TK1: variants seen among roughly 807,000 people sequenced by gnomAD.
TK1 encodes thymidine kinase, cytosolic.
Under a neutral mutation model 22.4 loss-of-function variants are expected in TK1, and 13 were observed. That is an observed-to-expected ratio of 0.58 (90% CI 0.38 to 0.92). The LOEUF (loss-of-function observed/expected upper bound fraction) is 0.92. Among genes scored for constraint, TK1 ranks in the 40% least tolerant of loss-of-function variants. TK1 has a pLI of 0.00. For synonymous variants in TK1, 134 were observed against 125.4 expected, an observed-to-expected ratio of 1.07 and a Z score of -0.46; for missense variants, 251 against 315.7, an observed-to-expected ratio of 0.80 and a Z score of 1.55.
rs773956166 is a variant in TK1, at chr17:78,179,563, G to A, written c.303+3026C>T. ...GGAAGGGACCCGTCAGCCTCCCCAC[G>A]GGAATGGAATTTGCAGCTGTGACTC... On this transcript the variant is annotated intron_variant, in intron 4 of 6. Coordinates refer to ENST00000301634, the MANE Select transcript of TK1 (RefSeq NM_003258.5). 1.4e-4 allele frequency: 141 copies of A among 985,414 alleles called. 1 individual carries two copies. Among genetic ancestry groups the A allele is most frequent in the Admixed American group, 6.1e-4 (10 of 16,278 alleles). The allele number at this position is 985,414 out of a possible 1,614,324, so 61.0% of individuals were successfully genotyped here. A position where few individuals can be genotyped will look rare whatever the true frequency, so the allele number is the denominator to read the frequency against.
In TK1 at chr17:78,175,185, A is replaced by G. The variant is rs2145821077; in HGVS notation, c.394-16T>C. 1 of 1,591,164 alleles carries G rather than the reference A, an allele frequency of 6.3e-7. No individual in the cohort carries two copies. The highest frequency in any genetic ancestry group is 2.3e-5 in the East Asian group (1 of 43,542). ...CCCCAAATGGCTGCGCTCCCATGGA[A>G]AGACAGAGGGCGCTCAGCCACCTTA... On this transcript the variant is annotated splice_polypyrimidine_tract_variant and intron_variant, in intron 5 of 6. Transcript: ENST00000301634.
intron 4 of TK1, 67 bp from the exon 5 acceptor site, chr17:78,175,685 G>A (rs552807380): frequency 7.0e-7 from 1 of 1,423,694 alleles, no homozygotes; most frequent in African/African-American, 1.4e-5. Flanking sequence ...TGGAGCCCCA[G>A]CGAAGACGCT....
At chr17:78,184,380 C>T (rs1009595596) in intron 3 of TK1, among the ~76,000 whole-genome samples, 18 of 152,338 alleles carry the variant, frequency 1.2e-4, no homozygotes, top group Admixed American at 1.2e-3. Context: ...CACTGGGTGC[C>T]CAGGTGGACA....
chr17:78,185,918 AC>A (rs1298085761), intron 2 of TK1, among the ~76,000 whole-genome samples: 1 of 152,190 alleles, frequency 6.6e-6, no homozygotes, highest in East Asian at 1.9e-4. Context: ...ACTCTGAGCC[AC>A]ATCTTCCTGA....
At chr17:78,184,874 C>G (rs1339865550) in intron 3 of TK1, among the ~76,000 whole-genome samples, 181 bp downstream of exon 3, 2 of 152,056 alleles carry the variant, frequency 1.3e-5, no homozygotes, top group Non-Finnish European at 2.9e-5. Context: ...AGTGGAGAAC[C>G]ACTGGCTCCA....
chr17:78,185,017 T>G (rs751045690), intron 3 of TK1, 38 bp downstream of exon 3: 1 of 1,527,530 alleles, frequency 6.5e-7, no homozygotes, highest in Non-Finnish European at 9.1e-7. Flanking sequence ...TGCCTTGTGA[T>G]TTTCCACTGG....
intron 4 of TK1, among the ~76,000 whole-genome samples, chr17:78,182,371 C>CAAAAAA (rs560357822): frequency 2.4e-5 from 2 of 82,242 alleles, no homozygotes; most frequent in Non-Finnish European, 4.7e-5. Flanking sequence ...AACTCCGTCT[C>CAAAAAA]AAAAAAAAAA....
chr17:78,182,549 A>C (rs779826835), intron 4 of TK1, 40 bp downstream of exon 4: 1 of 1,483,234 alleles, frequency 6.7e-7, no homozygotes, highest in African/African-American at 1.4e-5. Flanking sequence ...GACAGAGCGG[A>C]AGCTGGCAGG....
chr17:78,174,973 G>A, intron 6 of TK1, 23 bp from the exon 7 acceptor site: 1 of 1,611,362 alleles, frequency 6.2e-7, no homozygotes, highest in Non-Finnish European at 8.5e-7. Flanking sequence ...ACAGGGGATG[G>A]GTGAAGGGCC....
chr17:78,174,513 C>T lies in TK1; in HGVS notation c.*246G>A, dbSNP rs2075682769. 7.6e-6 allele frequency: 4 copies of T among 527,038 alleles called. No individual in the cohort carries two copies. Among genetic ancestry groups the T allele is most frequent in the Admixed American group, 3.6e-5 (1 of 27,986 alleles). The allele number at this position is 527,038 out of a possible 1,614,324, so 32.6% of individuals were successfully genotyped here. ...GTGTGCCAGATCCCAGGCCACCAAG[C>T]GGGGCCAGCTCCAGCCTGGGCGATC... On this transcript the variant is annotated 3_prime_UTR_variant, in exon 7 of 7. Coordinates refer to ENST00000301634, the MANE Select transcript of TK1 (RefSeq NM_003258.5).
chr17:78,175,177 C>T lies in TK1; in HGVS notation c.394-8G>A, dbSNP rs755988086. On this transcript the variant is annotated splice_polypyrimidine_tract_variant and splice_region_variant and intron_variant, in intron 5 of 6. Coordinates refer to ENST00000301634, the MANE Select transcript of TK1 (RefSeq NM_003258.5). ...CAGGATGGCCCCAAATGGCTGCGCTCCCATGGAAAGACAGAGGGCGCTCAG... is the reference window on the plus strand; with the variant it reads ...CAGGATGGCCCCAAATGGCTGCGCTTCCATGGAAAGACAGAGGGCGCTCAG... 7 of 1,612,128 alleles carry T rather than the reference C, an allele frequency of 4.3e-6. No individual in the cohort carries two copies. Among genetic ancestry groups the T allele is most frequent in the African/African-American group, 4.0e-5 (3 of 74,728 alleles).
Position 78,182,334 on chromosome 17 carries a change from G to A in TK1, c.303+255C>T, listed in dbSNP as rs4306580. Among the ~76,000 whole-genome samples the A allele has an allele frequency of 3.1e-4, 45 of 147,520 alleles. No individual in the cohort carries two copies. The East Asian group carries it at 3.2e-3, about 10-fold the overall frequency. On this transcript the variant is annotated intron_variant, in intron 4 of 6. Coordinates refer to ENST00000301634, the MANE Select transcript of TK1 (RefSeq NM_003258.5). The stretch of plus-strand genomic sequence containing the variant: ...AAGTTTGCGGTGAGATTGTGCCATC[G>A]TACTCCGGCCTGGGCAACAAGAGCA...
intron 2 of TK1, 77 bp downstream of exon 2, chr17:78,186,710 A>AAGGGG (rs2075803467): frequency 1.2e-5 from 9 of 761,268 alleles, no homozygotes; most frequent in African/African-American, 1.1e-4. Context: ...GAGGGGAGGG[A>AAGGGG]AGGGGAGGGG....
rs746775840 is a variant in TK1 at position 78,175,056 on chromosome 17, C to T, written c.507G>A (p.Glu169=). ...GGAAGGCAGGTGGAGCTACCTCCTT[C>T]TCTGTGCCGAGCCTCTTGGTATAGG... ...EAAYTKRLGT[E]KEVEVIGGAD... The change falls in exon 6 of 7, where the codon GAG becomes GAA. Residue 169 remains glutamate (E), a synonymous_variant. Coordinates refer to ENST00000301634, the MANE Select transcript of TK1 (RefSeq NM_003258.5). 12 of 1,613,550 alleles carry T rather than the reference C, an allele frequency of 7.4e-6. 1 individual carries two copies. Among genetic ancestry groups the T allele is most frequent in the South Asian group, 1.1e-5 (1 of 91,060 alleles).
At position 78,174,669 on chromosome 17, in the gene TK1, G is replaced by C; in HGVS notation, c.*90C>G. On this transcript the variant is annotated 3_prime_UTR_variant, in exon 7 of 7. Transcript: ENST00000301634. ...GGTGTGGTCACCCTCCACGCCTCCC[G>C]ACTTCCTCCTGGAGTGGCTGGGCAG... 1 of 1,430,698 alleles carries C rather than the reference G, an allele frequency of 7.0e-7. No homozygotes were observed. Among genetic ancestry groups the C allele is most frequent in the South Asian group, 1.4e-5 (1 of 69,822 alleles). 88.6% of individuals were successfully genotyped at this position (1,430,698 alleles called of 1,614,324 possible).
Position 78,174,856 on chromosome 17 carries a change from T to C in TK1, c.608A>G (p.Lys203Arg). 2 of 1,613,826 alleles carry C rather than the reference T, an allele frequency of 1.2e-6. No individual in the cohort carries two copies. Among genetic ancestry groups the C allele is most frequent in the South Asian group, 2.2e-5 (2 of 91,038 alleles). The change falls in exon 7 of 7, where the codon AAA becomes AGA. Residue 203 changes from lysine to arginine, a missense_variant. Transcript: ENST00000301634. ...ASGQPAGPDN[K>R]ENCPVPGKPG... Reference sequence around the variant, plus strand: ...CTTTCCTGGCACTGGGCAGTTCTCTTTGTTGTCCGGCCCGGCAGGCTGGCC... The same window carrying C: ...CTTTCCTGGCACTGGGCAGTTCTCTCTGTTGTCCGGCCCGGCAGGCTGGCC...
chr17:78,181,047 CAG>C (rs1188412931), intron 4 of TK1, among the ~76,000 whole-genome samples: 1 of 151,308 alleles, frequency 6.6e-6, no homozygotes, highest in Non-Finnish European at 1.5e-5. Flanking sequence ...TCAGGAGTTC[CAG>C]ACCAGCTGGC....
At chr17:78,175,447 C>G in intron 5 of TK1, 82 bp downstream of exon 5, 1 of 1,387,604 alleles carries the variant, frequency 7.2e-7, no homozygotes, top group Non-Finnish European at 1.0e-6. Context: ...GCCCTGGTCA[C>G]CCAGAGCTGG....
chr17:78,175,576 C>T lies in TK1; in HGVS notation c.346G>A (p.Gly116Arg), dbSNP rs201289144. ...VEFCEAMANAGKTVIVAALDG... is the reference protein window; with the variant it reads ...VEFCEAMANARKTVIVAALDG... ...AGTGCAGCCACAATTACGGTCTTCC[C>T]GGCGTTGGCCATGGCCTCGCAGAAC... is the stretch of plus-strand genomic sequence containing the variant. Residue 116 changes from glycine to arginine, a missense_variant, in exon 5 of 7, where the codon GGG becomes AGG. Physicochemically the swap from Gly to Arg is moderately radical, Grantham distance 125. Transcript: ENST00000301634. 1.6e-4 allele frequency: 259 copies of T among 1,613,658 alleles called. No homozygotes were observed. The highest frequency in any genetic ancestry group is 1.3e-4 in the Admixed American group (8 of 59,998).
Sources: allele counts gnomAD v4.1 joint callset (sites outside exome capture counted in the v4.1 genomes callset), GRCh38; gene constraint gnomAD v4.1.1; transcripts MANE v1.5; gene names NCBI Gene and HGNC (gene_info 2026-07-23, HGNC 2026-07-21).